Variants in KIF22 observed in about 807,000 individuals in gnomAD.
The protein encoded by KIF22 is kinesin family member 22.
In KIF22, 62 loss-of-function variants were observed where a neutral mutation model predicts 73.0. The observed-to-expected ratio is 0.85, with a 90% CI of 0.69 to 1.05. The LOEUF (loss-of-function observed/expected upper bound fraction) is 1.05, where lower values mean the gene tolerates loss of function less well. KIF22 is among the 50% of genes least tolerant of loss of function. The probability of loss-of-function intolerance (pLI) is 0.00; values close to 1 mark genes in which losing one functional copy is unlikely to be tolerated. For synonymous variants in KIF22, 411 were observed against 340.1 expected, an observed-to-expected ratio of 1.21 and a Z score of -2.29; for missense variants, 854 against 870.1, an observed-to-expected ratio of 0.98 and a Z score of 0.23.
At chr16:29,800,253 C>A in intron 8 of KIF22, 1 of 489,838 alleles carries the variant, frequency 2.0e-6, no homozygotes, top group Non-Finnish European at 3.6e-6. Flanking sequence ...GTCAGGAGTT[C>A]GAGACCAGCC....
chr16:29,804,661 G>A, intron 11 of KIF22, 153 bp from the exon 12 acceptor site: 1 of 710,356 alleles, frequency 1.4e-6, no homozygotes, highest in Non-Finnish European at 2.5e-6. Context: ...AATTAACCCA[G>A]AGAGTGACCT....
chr16:29,800,459 A>G (rs1439808125), intron 8 of KIF22, among the ~76,000 whole-genome samples: 1 of 151,404 alleles, frequency 6.6e-6, no homozygotes, highest in African/African-American at 2.4e-5. Flanking sequence ...CTCCGTCTCA[A>G]AGTAAATAAG....
At position 29,799,675 on chromosome 16, in the gene KIF22, C is replaced by G; in HGVS notation, c.1038C>G (p.Ala346=). 1 of 1,614,022 alleles carries G rather than the reference C, an allele frequency of 6.2e-7. No individual in the cohort carries two copies. Among genetic ancestry groups the G allele is most frequent in the Non-Finnish European group, 8.5e-7 (1 of 1,179,974 alleles). Reference sequence around the variant, plus strand: ...ACAGTATCCTTATTGCCAACATTGCCCCTGAGAGACGCTTCTACCTAGACA... The same window carrying G: ...ACAGTATCCTTATTGCCAACATTGCGCCTGAGAGACGCTTCTACCTAGACA... ...SAHSILIANI[A]PERRFYLDTV... Residue 346 remains alanine (A), a synonymous_variant, in exon 7 of 14, where the codon GCC becomes GCG. Transcript: ENST00000160827.
At chr16:29,794,627 G>C (rs181038786) in intron 1 of KIF22, among the ~76,000 whole-genome samples, 7 of 151,928 alleles carry the variant, frequency 4.6e-5, no homozygotes, top group Non-Finnish European at 1.0e-4. Context: ...TGTCACCCAG[G>C]CTGGAGTGCA....
chr16:29,791,403 A>G (rs1361536817), intron 1 of KIF22: 3 of 237,214 alleles, frequency 1.3e-5, no homozygotes, highest in Non-Finnish European at 2.1e-5. Flanking sequence ...TCACTCTAGC[A>G]TGGAAGTGAA....
Position 29,802,866 on chromosome 16 carries a change from C to T in KIF22, c.1378C>T (p.Leu460=), listed in dbSNP as rs1350896276. The change falls in exon 9 of 14, where the codon CTG becomes TTG. Residue 460 remains leucine, a synonymous_variant. Coordinates refer to ENST00000160827, the MANE Select transcript of KIF22 (RefSeq NM_007317.3). The part of the protein sequence containing the change: ...LASQGSQGAP[L]LSTPKRERMV... ...CTCCCAGGGGAGCCAGGGGGCCCCT[C>T]TGTTGAGTACCCCAAAGCGAGAGCG... 1 of 1,611,764 alleles carries T rather than the reference C, an allele frequency of 6.2e-7. No individual in the cohort carries two copies. Among genetic ancestry groups the T allele is most frequent in the Non-Finnish European group, 8.5e-7 (1 of 1,179,196 alleles).
chr16:29,792,035 G>A (rs1898832829), intron 1 of KIF22, among the ~76,000 whole-genome samples: 1 of 152,220 alleles, frequency 6.6e-6, no homozygotes, highest in African/African-American at 2.4e-5. Context: ...TCTGAAGTAA[G>A]CCCTTGAGTA....
chr16:29,800,134 G>C, intron 8 of KIF22, 86 bp downstream of exon 8: 1 of 1,445,352 alleles, frequency 6.9e-7, no homozygotes, highest in South Asian at 1.3e-5. Flanking sequence ...CTTGAGCAGA[G>C]AGCTGTGATC....
chr16:29,802,710 C>T (rs1279496039), intron 8 of KIF22, 59 bp from the exon 9 acceptor site: 3 of 1,463,164 alleles, frequency 2.1e-6, no homozygotes, highest in Non-Finnish European at 2.7e-6. Context: ...GGGAGTCCTG[C>T]TGCTGTAGGT....
chr16:29,798,342 A>G lies in KIF22; in HGVS notation c.267-32A>G. On this transcript the variant is annotated intron_variant, in intron 2 of 13. Transcript: ENST00000160827. The surrounding 1 kb of genome is among the most constrained non-coding windows in gnomAD (Gnocchi z 4.1). Reference sequence around the variant, plus strand: ...CACACACACACACACACACACACACACACACGCTAATTTCTTTCTTTCTTC... The same window carrying G: ...CACACACACACACACACACACACACGCACACGCTAATTTCTTTCTTTCTTC... 6.5e-7 allele frequency: 1 copy of G among 1,543,582 alleles called. No individual in the cohort carries two copies. The highest frequency in any genetic ancestry group is 8.7e-7 in the Non-Finnish European group (1 of 1,142,984).
Position 29,804,972 on chromosome 16 carries a change from G to C in KIF22, c.1836G>C (p.Pro612=). 1.9e-6 allele frequency: 3 copies of C among 1,609,060 alleles called. No individual in the cohort carries two copies. Among genetic ancestry groups the C allele is most frequent in the Non-Finnish European group, 2.5e-6 (3 of 1,177,782 alleles). The change falls in exon 12 of 14, where the codon CCG becomes CCC. Residue 612 remains proline (P), a synonymous_variant. Transcript: ENST00000160827. ...RDLRSLQRIG[P]KKAQLIVGWR... Reference sequence around the variant, plus strand: ...TCCGCAGTCTTCAGCGCATTGGCCCGAAGAAGGCCCAGCTAATCGTGGGCT... The same window carrying C: ...TCCGCAGTCTTCAGCGCATTGGCCCCAAGAAGGCCCAGCTAATCGTGGGCT...
intron 9 of KIF22, 150 bp from the exon 10 acceptor site, chr16:29,803,299 T>C: frequency 1.2e-6 from 1 of 857,166 alleles, no homozygotes; most frequent in South Asian, 1.9e-5. Flanking sequence ...TTAATTATGT[T>C]AGGCTCCACC....
In KIF22 at chr16:29,790,757, G is replaced by T; in HGVS notation, c.-3G>T. Reference sequence around the variant, plus strand: ...GGAGAGGCGGGCCCAAGGAGGGAGTGGAATGGCCGCGGGCGGCTCGACGCA... The same window carrying T: ...GGAGAGGCGGGCCCAAGGAGGGAGTTGAATGGCCGCGGGCGGCTCGACGCA... On this transcript the variant is annotated 5_prime_UTR_variant, in exon 1 of 14. Transcript: ENST00000160827. 1 of 1,592,216 alleles carries T rather than the reference G, an allele frequency of 6.3e-7. No homozygotes were observed. The highest frequency in any genetic ancestry group is 8.6e-7 in the Non-Finnish European group (1 of 1,169,174).
Position 29,797,007 on chromosome 16 carries a change from A to AT in KIF22, c.186dup (p.Pro63SerfsTer16). Reference sequence around the variant, plus strand: ...GTGGATGGAACAGCGGGAGCAAGTGATCCCCCCTGTGTGCGGGGCATGGAC... The same window carrying AT: ...GTGGATGGAACAGCGGGAGCAAGTGATTCCCCCCTGTGTGCGGGGCATGGAC... On this transcript the variant is annotated frameshift_variant, in exon 2 of 14. Coordinates refer to ENST00000160827, the MANE Select transcript of KIF22 (RefSeq NM_007317.3). LOFTEE classifies it high-confidence loss of function. This position sits in a 1 kb window ranked among gnomAD's most constrained non-coding sequence, Gnocchi z 4.1. 1.2e-6 allele frequency: 2 copies of AT among 1,613,958 alleles called. No homozygotes were observed. Among genetic ancestry groups the AT allele is most frequent in the Non-Finnish European group, 1.7e-6 (2 of 1,179,912 alleles).
chr16:29,795,337 G>C (rs1898922536), intron 1 of KIF22, among the ~76,000 whole-genome samples: 1 of 152,204 alleles, frequency 6.6e-6, no homozygotes, highest in Non-Finnish European at 1.5e-5. Context: ...TTTTGAAACA[G>C]CCCGTCTGCT....
In KIF22 at chr16:29,798,310, C is replaced by T; in HGVS notation, c.267-64C>T. 1 of 1,402,936 alleles carries T rather than the reference C, an allele frequency of 7.1e-7. No individual in the cohort carries two copies. Among genetic ancestry groups the T allele is most frequent in the Non-Finnish European group, 9.3e-7 (1 of 1,070,482 alleles). 86.9% of individuals were successfully genotyped at this position (1,402,936 alleles called of 1,614,324 possible). Reference sequence around the variant, plus strand: ...TTACCCACCCCCACCCCACTCCACCCCTTACACACACACACACACACACAC... The same window carrying T: ...TTACCCACCCCCACCCCACTCCACCTCTTACACACACACACACACACACAC... On this transcript the variant is annotated intron_variant, in intron 2 of 13. Coordinates refer to ENST00000160827, the MANE Select transcript of KIF22 (RefSeq NM_007317.3). This position sits in a 1 kb window ranked among gnomAD's most constrained non-coding sequence, Gnocchi z 4.1.
In KIF22 at chr16:29,799,778, C is replaced by T; in HGVS notation, c.1141C>T (p.His381Tyr). 6.2e-7 allele frequency: 1 copy of T among 1,613,784 alleles called. No homozygotes were observed. Among genetic ancestry groups the T allele is most frequent in the East Asian group, 2.2e-5 (1 of 44,874 alleles). The change falls in exon 7 of 14, where the codon CAT becomes TAT. Residue 381 changes from histidine (H) to tyrosine (Y), a missense_variant. Around this residue, in one of 3 missense-constraint regions of KIF22, gnomAD observed 423 missense variants for 365.4 expected, o/e 1.16. Coordinates refer to ENST00000160827, the MANE Select transcript of KIF22 (RefSeq NM_007317.3). The stretch of plus-strand genomic sequence containing the variant: ...TTTTACCAATGAGAGCCTGCAGCCT[C>T]ATGGTGAGAACTGGGGGAGGCAGGA... ...RPFTNESLQP[H>Y]ALGPVKLSQK... is the part of the protein sequence containing the mutation.
chr16:29,802,441 A>G (rs1899174720), intron 8 of KIF22, among the ~76,000 whole-genome samples: 1 of 152,056 alleles, frequency 6.6e-6, no homozygotes, highest in Non-Finnish European at 1.5e-5. Context: ...GTTTTCCGCA[A>G]CTGCTCCTCC....
intron 10 of KIF22, 56 bp downstream of exon 10, chr16:29,803,664 GA>G (rs1899225811): frequency 7.3e-7 from 1 of 1,374,126 alleles, no homozygotes; most frequent in African/African-American, 1.4e-5. Context: ...TATAAGGGAG[GA>G]AGTGTTAGGA....
Sources: allele counts gnomAD v4.1 joint callset (sites outside exome capture counted in the v4.1 genomes callset), GRCh38; gene constraint gnomAD v4.1.1; regional missense constraint gnomAD v4.1.1; non-coding constraint Gnocchi (gnomAD v3.1); transcripts MANE v1.5; gene names NCBI Gene and HGNC (gene_info 2026-07-23, HGNC 2026-07-21).